The following TMPRSS13 variants were observed in gnomAD, a reference collection of about 807,000 sequenced individuals.
TMPRSS13 encodes transmembrane protease serine 13.
In TMPRSS13, 50 loss-of-function variants were observed where a neutral mutation model predicts 68.4. The observed-to-expected ratio is 0.73, with a 90% confidence interval of 0.58 to 0.93. TMPRSS13 has a LOEUF of 0.93. Ranked by LOEUF, TMPRSS13 falls within the 40% of genes least tolerant of loss-of-function variation. TMPRSS13 has a pLI of 0.00. For synonymous variants in TMPRSS13, 267 were observed against 285.8 expected (o/e 0.93, Z 0.66); for missense variants, 615 against 729.2 (o/e 0.84, Z 1.80).
chr11:117,908,504 C>T (rs746612853), intron 9 of TMPRSS13, 108 bp downstream of exon 9: 1 of 1,259,784 alleles, frequency 7.9e-7, no homozygotes, highest in Non-Finnish European at 1.1e-6. Context: ...TTCTGCCCTG[C>T]AGAAGCTTTG....
intron 6 of TMPRSS13, 127 bp from the exon 7 acceptor site, chr11:117,910,877 G>A: frequency 1.2e-6 from 1 of 836,868 alleles, no homozygotes; most frequent in Admixed American, 2.7e-5. Flanking sequence ...ACAGGAAGCA[G>A]GAGATTCTGA....
chr11:117,903,917 C>T (rs956558531), intron 11 of TMPRSS13, 42 bp downstream of exon 11: 1 of 1,602,842 alleles, frequency 6.2e-7, no homozygotes. Context: ...TCCCCCATCC[C>T]CAGGGTGCTG....
In TMPRSS13 at chr11:117,914,124, A is replaced by G. The variant is rs1334120217; in HGVS notation, c.680-218T>C. Among the ~76,000 whole-genome samples, 1 of 152,202 alleles carries G rather than the reference A, an allele frequency of 6.6e-6. No homozygotes were observed. Among genetic ancestry groups the G allele is most frequent in the Non-Finnish European group, 1.5e-5 (1 of 68,044 alleles). ...TGGACAGAGCCAATGCAAAGTCACT[A>G]GAGTGCTACAGACTGATGCAAACTG... On this transcript the variant is annotated intron_variant, in intron 4 of 12. Transcript: ENST00000524993. This position sits in a 1 kb window ranked among gnomAD's most constrained non-coding sequence, Gnocchi z 4.2.
At chr11:117,920,884 C>T (rs1323290442) in intron 1 of TMPRSS13, among the ~76,000 whole-genome samples, 2 of 152,204 alleles carry the variant, frequency 1.3e-5, no homozygotes, top group Non-Finnish European at 2.9e-5. Flanking sequence ...AACTGCGTTT[C>T]CTGGGCAAGC....
At chr11:117,909,141 T>G (rs762665835) in intron 8 of TMPRSS13, among the ~76,000 whole-genome samples, 1 of 152,152 alleles carries the variant, frequency 6.6e-6, no homozygotes, top group African/African-American at 2.4e-5. Flanking sequence ...AACTGACAGA[T>G]GCTGACAAGT....
At position 117,918,503 on chromosome 11, in the gene TMPRSS13, C is replaced by A; in HGVS notation, c.357G>T (p.Val119=). 6.2e-7 allele frequency: 1 copy of A among 1,614,228 alleles called. No individual in the cohort carries two copies. Among genetic ancestry groups the A allele is most frequent in the Non-Finnish European group, 8.5e-7 (1 of 1,180,036 alleles). ...SASVTTSPTR[V]YLVRATPVGA... ...CCACTGGTGTTGCTCTAACAAGGTA[C>A]ACTCTGGTTGGGGAGGTTGTCACCG... Residue 119 remains valine, a synonymous_variant, in exon 2 of 13, where the codon GTG becomes GTT. Transcript: ENST00000524993.
rs1271955550 is a variant in TMPRSS13 at position 117,901,538 on chromosome 11, G to A, written c.*701C>T. 6.6e-6 allele frequency: 1 copy of A among 152,054 alleles called. No individual in the cohort carries two copies. The highest frequency in any genetic ancestry group is 6.6e-5 in the Admixed American group (1 of 15,260). The allele number at this position is 152,054 out of a possible 1,614,324, so 9.4% of individuals were successfully genotyped here. On this transcript the variant is annotated 3_prime_UTR_variant, in exon 13 of 13. Transcript: ENST00000524993. ...TGTCAAGGCTTCTGGACTTTTTGGAGAATCTTTAAAAATACCCGTATTTTC... is the reference window on the plus strand; with the variant it reads ...TGTCAAGGCTTCTGGACTTTTTGGAAAATCTTTAAAAATACCCGTATTTTC...
At position 117,918,849 on chromosome 11, in the gene TMPRSS13, A is replaced by G; in HGVS notation, c.22-11T>C. On this transcript the variant is annotated splice_polypyrimidine_tract_variant and intron_variant, in intron 1 of 12. Coordinates refer to ENST00000524993, the MANE Select transcript of TMPRSS13 (RefSeq NM_001077263.3). Reference sequence around the variant, plus strand: ...TGCTGGAGATGCATTCTGAAAGCAGATCGAAGAGTATCCCACAGGCTGCTC... The same window carrying G: ...TGCTGGAGATGCATTCTGAAAGCAGGTCGAAGAGTATCCCACAGGCTGCTC... 4 of 1,612,344 alleles carry G rather than the reference A, an allele frequency of 2.5e-6. No homozygotes were observed. The highest frequency in any genetic ancestry group is 3.4e-6 in the Non-Finnish European group (4 of 1,179,802).
intron 10 of TMPRSS13, 68 bp downstream of exon 10, chr11:117,905,570 C>T: frequency 3.0e-6 from 4 of 1,337,712 alleles, no homozygotes; most frequent in African/African-American, 1.4e-5. Context: ...ACATTGCTTA[C>T]ACACGCACAT....
chr11:117,918,272 C>T, intron 2 of TMPRSS13, 137 bp downstream of exon 2: 2 of 1,128,810 alleles, frequency 1.8e-6, no homozygotes, highest in Non-Finnish European at 2.5e-6. Context: ...CCTCAGGTCC[C>T]TCACTTCCCA....
intron 1 of TMPRSS13, among the ~76,000 whole-genome samples, chr11:117,921,047 AC>A (rs1397558695): frequency 6.6e-6 from 1 of 152,102 alleles, no homozygotes; most frequent in Non-Finnish European, 1.5e-5. Context: ...ACTTTACGGG[AC>A]CCCATTCCAA....
At position 117,922,631 on chromosome 11, in the gene TMPRSS13, G is replaced by A. The variant is rs1380996174; in HGVS notation, c.22-3793C>T. On this transcript the variant is annotated intron_variant, in intron 1 of 12. Coordinates refer to ENST00000524993, the MANE Select transcript of TMPRSS13 (RefSeq NM_001077263.3). The surrounding 1 kb of genome is among the most constrained non-coding windows in gnomAD (Gnocchi z 4.2). Reference sequence around the variant, plus strand: ...GGCAGTGAGCCGAAGACTCAGAAGTGGAAGTGAAATGACCAACTCCTTGAT... The same window carrying A: ...GGCAGTGAGCCGAAGACTCAGAAGTAGAAGTGAAATGACCAACTCCTTGAT... Among the ~76,000 whole-genome samples, 8 of 152,202 alleles carry A rather than the reference G, an allele frequency of 5.3e-5. No individual in the cohort carries two copies. The highest frequency in any genetic ancestry group is 9.6e-5 in the African/African-American group (4 of 41,460).
chr11:117,905,647 C>T lies in TMPRSS13; in HGVS notation c.1372G>A (p.Glu458Lys). 2 of 1,600,176 alleles carry T rather than the reference C, an allele frequency of 1.2e-6. No homozygotes were observed. Among genetic ancestry groups the T allele is most frequent in the Non-Finnish European group, 8.5e-7 (1 of 1,171,776 alleles). Residue 458 changes from glutamate to lysine, a missense_variant, in exon 10 of 13, where the codon GAG (glutamate) becomes AAG (lysine). Transcript: ENST00000524993. ...CATCTTTGCCTCTTACCATCTGTCT[C>T]CCTGGTCTTGCCAAAGCCTGTGATC... ...CWITGFGKTR[E>K]TDDKTSPFLR... is the part of the protein sequence containing the mutation.
In TMPRSS13 at chr11:117,914,270, TAC is replaced by T. The variant is rs1057497958; in HGVS notation, c.679+120_679+121del. The T allele has an allele frequency of 4.0e-5, 54 of 1,339,686 alleles. No individual in the cohort carries two copies. The East Asian group carries it at 1.2e-3, about 29-fold the overall frequency. 83.0% of individuals were successfully genotyped at this position (1,339,686 alleles called of 1,614,324 possible). A position where few individuals can be genotyped will look rare whatever the true frequency, so the allele number is the denominator to read the frequency against. The stretch of plus-strand genomic sequence containing the variant: ...ACATGCATACACACAAACATGCACA[TAC>T]ACACACATGCACGCACACATATACA... On this transcript the variant is annotated intron_variant, in intron 4 of 12. Coordinates refer to ENST00000524993, the MANE Select transcript of TMPRSS13 (RefSeq NM_001077263.3). This position sits in a 1 kb window ranked among gnomAD's most constrained non-coding sequence, Gnocchi z 4.2.
intron 9 of TMPRSS13, 56 bp from the exon 10 acceptor site, chr11:117,905,792 G>T: frequency 7.0e-7 from 1 of 1,431,514 alleles, no homozygotes. Context: ...TTTCAGTAGG[G>T]GGAGGGAGAA....
At chr11:117,924,415 G>C (rs2057681482) in intron 1 of TMPRSS13, among the ~76,000 whole-genome samples, 1 of 151,966 alleles carries the variant, frequency 6.6e-6, no homozygotes, top group South Asian at 2.1e-4. Context: ...CCAGACAGAG[G>C]CCCCCGTGGC....
chr11:117,918,961 C>G, intron 1 of TMPRSS13, 123 bp from the exon 2 acceptor site: 1 of 1,353,360 alleles, frequency 7.4e-7, no homozygotes, highest in Non-Finnish European at 1.0e-6. Context: ...CAAAGCCCCC[C>G]GGACAAGGAA....
In TMPRSS13 at chr11:117,918,955, GC is replaced by G. The variant is rs2057614708; in HGVS notation, c.22-118del. On this transcript the variant is annotated intron_variant, in intron 1 of 12. Transcript: ENST00000524993. Reference sequence around the variant, plus strand: ...GGGCAGCAGCTAGGGGTTGAGCAAAGCCCCCCGGACAAGGAAGCATCTGAGA... The same window carrying G: ...GGGCAGCAGCTAGGGGTTGAGCAAAGCCCCCGGACAAGGAAGCATCTGAGA... 8 of 1,399,508 alleles carry G rather than the reference GC, an allele frequency of 5.7e-6. No homozygotes were observed. In the South Asian group the frequency reaches 9.3e-5, roughly 16 times the overall value. The allele number at this position is 1,399,508 out of a possible 1,614,324, so 86.7% of individuals were successfully genotyped here.
chr11:117,905,085 G>A (rs1293599509), intron 10 of TMPRSS13, among the ~76,000 whole-genome samples: 1 of 151,152 alleles, frequency 6.6e-6, no homozygotes, highest in Non-Finnish European at 1.5e-5. Flanking sequence ...TGTAGAGATG[G>A]GGTTTTGCCA....
Sources: gnomAD v4.1 joint callset for allele counts (sites outside exome capture counted in the v4.1 genomes callset) on GRCh38, gnomAD v4.1.1 for gene constraint, Gnocchi (gnomAD v3.1) non-coding constraint, MANE v1.5 for transcripts, NCBI Gene and HGNC (gene_info 2026-07-23, HGNC 2026-07-21) for gene names.